TMEM167A: variants seen among roughly 807,000 people sequenced by gnomAD.
TMEM167A encodes protein kish-A.
In TMEM167A, 8 loss-of-function variants were observed where a neutral mutation model predicts 11.6. The ratio of observed to expected loss-of-function variants is 0.69; its 90% CI spans 0.40 to 1.24. The LOEUF (loss-of-function observed/expected upper bound fraction) is 1.24, where lower values mean the gene tolerates loss of function less well. TMEM167A is among the 50% of genes most tolerant of loss of function. The pLI is 0.01. For missense variants in TMEM167A, 62 were observed against 87.0 expected, an observed-to-expected ratio of 0.71 and a Z score of 1.14; for synonymous variants, 22 against 28.0, an observed-to-expected ratio of 0.79 and a Z score of 0.67.
In TMEM167A at chr5:83,056,027, A is replaced by G. The variant is rs1269802347; in HGVS notation, c.*1057T>C. On this transcript the variant is annotated 3_prime_UTR_variant, in exon 4 of 4. Coordinates refer to ENST00000502346, the MANE Select transcript of TMEM167A (RefSeq NM_174909.5). ...TGTAAAATTTAGAAGTCACATTCCT[A>G]ATATTCCTCTCGCCTAGACTAAAAA... 6.6e-6 allele frequency: 1 copy of G among 151,980 alleles called. No individual in the cohort carries two copies. The highest frequency in any genetic ancestry group is 1.5e-5 in the Non-Finnish European group (1 of 67,920). 9.4% of individuals were successfully genotyped at this position (151,980 alleles called of 1,614,324 possible).
intron 3 of TMEM167A, 57 bp downstream of exon 3, chr5:83,061,820 A>C: frequency 6.9e-7 from 1 of 1,453,604 alleles, no homozygotes; most frequent in Non-Finnish European, 9.6e-7. Flanking sequence ...TTATAACCTA[A>C]GTAAATTGGT....
chr5:83,072,371 T>A (rs577404393), intron 1 of TMEM167A, among the ~76,000 whole-genome samples: 109 of 152,340 alleles, frequency 7.2e-4, no homozygotes, highest in African/African-American at 2.5e-3. Context: ...TGTAAAGTCC[T>A]CTGACCTTGC....
rs909713174 is a variant in TMEM167A, at chr5:83,056,996, G to T, written c.*88C>A. On this transcript the variant is annotated 3_prime_UTR_variant, in exon 4 of 4. Transcript: ENST00000502346. Reference sequence around the variant, plus strand: ...TCTCATTCAATGTTCGGAGATAAAAGAGTTAAACATCCTTTCCATTATTTT... The same window carrying T: ...TCTCATTCAATGTTCGGAGATAAAATAGTTAAACATCCTTTCCATTATTTT... 2.2e-5 allele frequency: 25 copies of T among 1,162,352 alleles called. No homozygotes were observed. In the African/African-American group the frequency reaches 2.6e-4, roughly 12 times the overall value. 72.0% of individuals were successfully genotyped at this position (1,162,352 alleles called of 1,614,324 possible).
chr5:83,077,258 C>T, intron 1 of TMEM167A, 63 bp downstream of exon 1: 12 of 1,613,770 alleles, frequency 7.4e-6, no homozygotes, highest in Non-Finnish European at 1.0e-5. Context: ...AAACTCCAGC[C>T]CTAGTCTAGA....
chr5:83,076,905 T>C (rs887021034), intron 1 of TMEM167A, among the ~76,000 whole-genome samples: 2 of 152,116 alleles, frequency 1.3e-5, no homozygotes, highest in African/African-American at 4.8e-5. Flanking sequence ...GGTATGGAGT[T>C]TGGTGCCAAA....
At chr5:83,076,951 A>G (rs1580181834) in intron 1 of TMEM167A, among the ~76,000 whole-genome samples, 1 of 152,246 alleles carries the variant, frequency 6.6e-6, no homozygotes, top group Non-Finnish European at 1.5e-5. Flanking sequence ...ATAACACCAG[A>G]GTAAAGCCCC....
intron 3 of TMEM167A, among the ~76,000 whole-genome samples, 190 bp from the exon 4 acceptor site, chr5:83,057,344 A>G (rs1017599327): frequency 8.5e-5 from 13 of 152,062 alleles, no homozygotes; most frequent in African/African-American, 2.9e-4. Context: ...AACTATTAAT[A>G]TATCAATTTA....
chr5:83,070,706 T>C (rs1309211236), intron 1 of TMEM167A, among the ~76,000 whole-genome samples: 1 of 152,190 alleles, frequency 6.6e-6, no homozygotes, highest in East Asian at 1.9e-4. Flanking sequence ...TATTTTCAAG[T>C]CTATTTGAAA....
chr5:83,071,795 G>C (rs1421777554), intron 1 of TMEM167A, among the ~76,000 whole-genome samples: 1 of 151,360 alleles, frequency 6.6e-6, no homozygotes, highest in Non-Finnish European at 1.5e-5. Context: ...TTAATATTTA[G>C]ATATGAACCC....
chr5:83,067,862 C>T (rs3899556), intron 1 of TMEM167A, among the ~76,000 whole-genome samples: 73,894 of 151,886 alleles, frequency 0.49, 18,629 homozygotes, highest in African/African-American at 0.59. Context: ...GTCTAAGTGA[C>T]ACTTTTATGG....
rs1744308973 is a variant in TMEM167A, at chr5:83,055,086, A to G, written c.*1998T>C. 6.6e-6 allele frequency: 1 copy of G among 152,002 alleles called. No individual in the cohort carries two copies. The highest frequency in any genetic ancestry group is 2.4e-5 in the African/African-American group (1 of 41,412). 9.4% of individuals were successfully genotyped at this position (152,002 alleles called of 1,614,324 possible). A position where few individuals can be genotyped will look rare whatever the true frequency, so the allele number is the denominator to read the frequency against. Reference sequence around the variant, plus strand: ...GACTTCTCCAAAAGCTTGTGTTTCAAAAGGTCAGAATGGTTGTTGTTACAA... The same window carrying G: ...GACTTCTCCAAAAGCTTGTGTTTCAGAAGGTCAGAATGGTTGTTGTTACAA... On this transcript the variant is annotated 3_prime_UTR_variant, in exon 4 of 4. Transcript: ENST00000502346.
chr5:83,057,177 C>A (rs200792477), intron 3 of TMEM167A, 23 bp from the exon 4 acceptor site: 1 of 1,606,172 alleles, frequency 6.2e-7, no homozygotes, highest in African/African-American at 1.3e-5. Context: ...AGGAGATGTT[C>A]ATCTTGATTA....
rs377319818 is a variant in TMEM167A at position 83,054,917 on chromosome 5, C to T, written c.*2167G>A. On this transcript the variant is annotated 3_prime_UTR_variant, in exon 4 of 4. Transcript: ENST00000502346. ...CTGCATCCCACCACCCCACCAAAACCACAAGAGAAATATCTCAATATTCTG... is the reference window on the plus strand; with the variant it reads ...CTGCATCCCACCACCCCACCAAAACTACAAGAGAAATATCTCAATATTCTG... The T allele has an allele frequency of 2.0e-5, 3 of 151,926 alleles. No homozygotes were observed. Among genetic ancestry groups the T allele is most frequent in the African/African-American group, 7.2e-5 (3 of 41,394 alleles). The allele number at this position is 151,926 out of a possible 1,614,324, so 9.4% of individuals were successfully genotyped here. A position where few individuals can be genotyped will look rare whatever the true frequency, so the allele number is the denominator to read the frequency against.
intron 2 of TMEM167A, chr5:83,064,220 T>C (rs1561302682): frequency 1.9e-6 from 1 of 518,072 alleles, no homozygotes; most frequent in Admixed American, 1.9e-5. Context: ...TGGAGAAATA[T>C]ACTACCACTC....
At position 83,055,781 on chromosome 5, in the gene TMEM167A, C is replaced by G. The variant is rs1000742812; in HGVS notation, c.*1303G>C. Reference sequence around the variant, plus strand: ...TACGTTGTTTCTGCAGAAATAACTACTAGCCTATTAATCTAGAAATAATTT... The same window carrying G: ...TACGTTGTTTCTGCAGAAATAACTAGTAGCCTATTAATCTAGAAATAATTT... On this transcript the variant is annotated 3_prime_UTR_variant, in exon 4 of 4. Transcript: ENST00000502346. 5.3e-5 allele frequency: 6 copies of G among 113,508 alleles called. No homozygotes were observed. Among genetic ancestry groups the G allele is most frequent in the African/African-American group, 2.2e-4 (6 of 26,784 alleles). The allele number at this position is 113,508 out of a possible 1,614,324, so 7.0% of individuals were successfully genotyped here. A position where few individuals can be genotyped will look rare whatever the true frequency, so the allele number is the denominator to read the frequency against.
rs1251898562 is a variant in TMEM167A, at chr5:83,056,077, C to T, written c.*1007G>A. The T allele has an allele frequency of 1.3e-5, 2 of 151,910 alleles. No individual in the cohort carries two copies. The highest frequency in any genetic ancestry group is 2.4e-5 in the African/African-American group (1 of 41,402). 9.4% of individuals were successfully genotyped at this position (151,910 alleles called of 1,614,324 possible). A position where few individuals can be genotyped will look rare whatever the true frequency, so the allele number is the denominator to read the frequency against. ...ATTGTTGAAGGTCTCCTTTCACTAT[C>T]AAAGTTCAAAGATACTTGTGCCACA... On this transcript the variant is annotated 3_prime_UTR_variant, in exon 4 of 4. Transcript: ENST00000502346.
chr5:83,056,396 T>C lies in TMEM167A; in HGVS notation c.*688A>G, dbSNP rs1342843610. The C allele has an allele frequency of 6.6e-6, 1 of 152,044 alleles. No homozygotes were observed. Among genetic ancestry groups the C allele is most frequent in the African/African-American group, 2.4e-5 (1 of 41,436 alleles). 9.4% of individuals were successfully genotyped at this position (152,044 alleles called of 1,614,324 possible). Reference sequence around the variant, plus strand: ...AGCAAAAATTCATGCACAAAATACATATACTTGACAAGATGTTTCAGAGCC... The same window carrying C: ...AGCAAAAATTCATGCACAAAATACACATACTTGACAAGATGTTTCAGAGCC... On this transcript the variant is annotated 3_prime_UTR_variant, in exon 4 of 4. Transcript: ENST00000502346.
rs1744309011 is a variant in TMEM167A, at chr5:83,055,090, G to A, written c.*1994C>T. Reference sequence around the variant, plus strand: ...TCTCCAAAAGCTTGTGTTTCAAAAGGTCAGAATGGTTGTTGTTACAAATAT... The same window carrying A: ...TCTCCAAAAGCTTGTGTTTCAAAAGATCAGAATGGTTGTTGTTACAAATAT... On this transcript the variant is annotated 3_prime_UTR_variant, in exon 4 of 4. Transcript: ENST00000502346. The A allele has an allele frequency of 6.6e-6, 1 of 151,966 alleles. No individual in the cohort carries two copies. Among genetic ancestry groups the A allele is most frequent in the South Asian group, 2.1e-4 (1 of 4,824 alleles). 9.4% of individuals were successfully genotyped at this position (151,966 alleles called of 1,614,324 possible).
rs2112236561 is a variant in TMEM167A at position 83,056,054 on chromosome 5, T to G, written c.*1030A>C. The G allele has an allele frequency of 6.6e-6, 1 of 152,098 alleles. No individual in the cohort carries two copies. The highest frequency in any genetic ancestry group is 2.4e-5 in the African/African-American group (1 of 41,546). 9.4% of individuals were successfully genotyped at this position (152,098 alleles called of 1,614,324 possible). ...TATTCCTCTCGCCTAGACTAAAAAT[T>G]GTTGAAGGTCTCCTTTCACTATCAA... On this transcript the variant is annotated 3_prime_UTR_variant, in exon 4 of 4. Transcript: ENST00000502346.
Sources: gnomAD v4.1 joint callset for allele counts (sites outside exome capture counted in the v4.1 genomes callset) on GRCh38, gnomAD v4.1.1 for gene constraint, MANE v1.5 for transcripts, NCBI Gene and HGNC (gene_info 2026-07-23, HGNC 2026-07-21) for gene names.